Variants in ETAA1 observed in about 807,000 individuals in gnomAD.
ETAA1 encodes ETAA1 activator of ATR kinase.
In ETAA1, 49 loss-of-function variants were observed where a neutral mutation model predicts 76.8. That is an observed-to-expected ratio of 0.64 (90% CI 0.51 to 0.81). The LOEUF is 0.81. ETAA1 is among the 30% of genes least tolerant of loss of function. The pLI is 0.00. For synonymous variants in ETAA1, 373 were observed against 372.2 expected, an observed-to-expected ratio of 1.00 and a Z score of -0.03; for missense variants, 1,099 against 1,074.0, an observed-to-expected ratio of 1.02 and a Z score of -0.32.
chr2:67,410,231 T>C lies in ETAA1; in HGVS notation c.*193T>C. 1 of 556,360 alleles carries C rather than the reference T, an allele frequency of 1.8e-6. No individual in the cohort carries two copies. The highest frequency in any genetic ancestry group is 2.0e-5 in the African/African-American group (1 of 50,366). The allele number at this position is 556,360 out of a possible 1,614,324, so 34.5% of individuals were successfully genotyped here. On this transcript the variant is annotated 3_prime_UTR_variant, in exon 6 of 6. Transcript: ENST00000272342. ...CCTTGGACATGTATTTGAAAGTCAT[T>C]AAATACAAAAGTTTTGGAAATTCAG...
intron 5 of ETAA1, among the ~76,000 whole-genome samples, chr2:67,405,639 A>G (rs900135129): frequency 6.6e-6 from 1 of 152,034 alleles, no homozygotes; most frequent in Admixed American, 6.6e-5. Context: ...TTGGAAAATC[A>G]TACCTTTAGA....
intron 5 of ETAA1, among the ~76,000 whole-genome samples, chr2:67,406,022 A>G (rs1676208362): frequency 6.6e-6 from 1 of 152,012 alleles, no homozygotes; most frequent in Non-Finnish European, 1.5e-5. Context: ...TTCAATTCTT[A>G]TCTCCAAACA....
intron 3 of ETAA1, 114 bp downstream of exon 3, chr2:67,399,740 T>G: frequency 1.6e-6 from 1 of 640,594 alleles, no homozygotes; most frequent in Non-Finnish European, 2.5e-6. Flanking sequence ...TTTCCAAAAA[T>G]AAGGCAGCAA....
rs749109520 is a variant in ETAA1, at chr2:67,404,986, G to A, written c.2304G>A (p.Leu768=). The A allele has an allele frequency of 6.2e-7, 1 of 1,612,092 alleles. No individual in the cohort carries two copies. Among genetic ancestry groups the A allele is most frequent in the Non-Finnish European group, 8.5e-7 (1 of 1,178,826 alleles). ...CAATACAAGTGAATAGTTCCAAATTGGTTCTTCCAGGAAGTTCAAGTTTGA... is the reference window on the plus strand; with the variant it reads ...CAATACAAGTGAATAGTTCCAAATTAGTTCTTCCAGGAAGTTCAAGTTTGA... ...DVPIQVNSSK[L]VLPGSSSLNV... Residue 768 remains leucine, a synonymous_variant, in exon 5 of 6, where the codon TTG becomes TTA. Coordinates refer to ENST00000272342, the MANE Select transcript of ETAA1 (RefSeq NM_019002.4).
chr2:67,406,414 T>A (rs1170091462), intron 5 of ETAA1, among the ~76,000 whole-genome samples: 2 of 152,142 alleles, frequency 1.3e-5, no homozygotes, highest in Non-Finnish European at 2.9e-5. Context: ...TATAAATAGA[T>A]CTCCTTGTTT....
At chr2:67,401,484 C>T (rs947695979) in intron 3 of ETAA1, 1 of 151,800 alleles carries the variant, frequency 6.6e-6, no homozygotes, top group African/African-American at 2.4e-5. Context: ...TACAGCTTTG[C>T]ACAGTATACT....
Position 67,403,324 on chromosome 2 carries a change from G to A in ETAA1, c.642G>A (p.Arg214=), listed in dbSNP as rs1676107239. 1 of 1,606,550 alleles carries A rather than the reference G, an allele frequency of 6.2e-7. No individual in the cohort carries two copies. The highest frequency in any genetic ancestry group is 1.3e-5 in the African/African-American group (1 of 74,670). ...ATGTGATTCAAGAGCAAAACAAGAGGAATTATGATTTTACCCAGATGATTT... is the reference window on the plus strand; with the variant it reads ...ATGTGATTCAAGAGCAAAACAAGAGAAATTATGATTTTACCCAGATGATTT... ...ELDVIQEQNK[R]NYDFTQMISE... is the part of the protein sequence containing the mutation. Residue 214 remains arginine (R), a synonymous_variant, in exon 5 of 6, where the codon AGG becomes AGA. Coordinates refer to ENST00000272342, the MANE Select transcript of ETAA1 (RefSeq NM_019002.4).
At position 67,397,614 on chromosome 2, in the gene ETAA1, G is replaced by C. The variant is rs369830504; in HGVS notation, c.166G>C (p.Val56Leu). ...GGCTAGAGAGGGGCCTCCCGGGCCAGTGCGGCAGCGAGAGCAGCCTCCGAC... is the reference window on the plus strand; with the variant it reads ...GGCTAGAGAGGGGCCTCCCGGGCCACTGCGGCAGCGAGAGCAGCCTCCGAC... Reference protein sequence around the residue: ...CGAREGPPGPVRQREQPPTAA... With the variant: ...CGAREGPPGPLRQREQPPTAA... Residue 56 changes from valine to leucine, a missense_variant, in exon 1 of 6, where the codon GTG becomes CTG. By Grantham distance (32) the Val-to-Leu change is conservative (BLOSUM62 1). This residue lies in a region of ETAA1 where 761 missense variants were observed against 731.9 expected (regional missense o/e 1.04). Transcript: ENST00000272342. The C allele has an allele frequency of 5.2e-6, 8 of 1,549,144 alleles. No homozygotes were observed. The highest frequency in any genetic ancestry group is 3.9e-5 in the Admixed American group (2 of 51,090).
In ETAA1 at chr2:67,404,877, G is replaced by T; in HGVS notation, c.2195G>T (p.Gly732Val). The T allele has an allele frequency of 1.2e-6, 2 of 1,612,958 alleles. No individual in the cohort carries two copies. The highest frequency in any genetic ancestry group is 1.7e-6 in the Non-Finnish European group (2 of 1,179,354). The change falls in exon 5 of 6, where the codon GGT becomes GTT. Residue 732 changes from glycine (G) to valine (V), a missense_variant. Physicochemically the swap from Gly to Val is moderately radical, Grantham distance 109. Around this residue, in one of 3 missense-constraint regions of ETAA1, gnomAD observed 302 missense variants for 278.1 expected, o/e 1.09. Coordinates refer to ENST00000272342, the MANE Select transcript of ETAA1 (RefSeq NM_019002.4). ...TATGGAAATTCTCCAAGATTTTTAGGTGCCACAAATTTGACTATGTATTCT... is the reference window on the plus strand; with the variant it reads ...TATGGAAATTCTCCAAGATTTTTAGTTGCCACAAATTTGACTATGTATTCT... ...EMYGNSPRFLGATNLTMYSKI... is the reference protein window; with the variant it reads ...EMYGNSPRFLVATNLTMYSKI...
chr2:67,398,347 T>C (rs1224455818), intron 1 of ETAA1, among the ~76,000 whole-genome samples: 1 of 151,672 alleles, frequency 6.6e-6, no homozygotes, highest in East Asian at 1.9e-4. Flanking sequence ...CGTGTCTTTT[T>C]TCTTTTGGGA....
chr2:67,404,393 T>A lies in ETAA1; in HGVS notation c.1711T>A (p.Ser571Thr), dbSNP rs1227822079. 1.2e-6 allele frequency: 2 copies of A among 1,613,330 alleles called. No individual in the cohort carries two copies. The highest frequency in any genetic ancestry group is 3.3e-5 in the Admixed American group (2 of 59,940). ...SVSNPNQTSASKVGSFFDDWN... is the reference protein window; with the variant it reads ...SVSNPNQTSATKVGSFFDDWN... ...TAGTAACCCAAATCAGACTAGTGCATCAAAAGTAGGTTCTTTCTTTGATGA... is the reference window on the plus strand; with the variant it reads ...TAGTAACCCAAATCAGACTAGTGCAACAAAAGTAGGTTCTTTCTTTGATGA... The change falls in exon 5 of 6, where the codon TCA becomes ACA. Residue 571 changes from serine to threonine, a missense_variant. Physicochemically the swap from Ser to Thr is moderately conservative, Grantham distance 58. Transcript: ENST00000272342.
chr2:67,405,816 G>A (rs1364874865), intron 5 of ETAA1, among the ~76,000 whole-genome samples: 3 of 152,058 alleles, frequency 2.0e-5, no homozygotes, highest in Non-Finnish European at 4.4e-5. Flanking sequence ...CGTGCTAGCG[G>A]TGATGGTTAA....
At position 67,405,180 on chromosome 2, in the gene ETAA1, C is replaced by A; in HGVS notation, c.2498C>A (p.Ser833Tyr). The change falls in exon 5 of 6, where the codon TCT becomes TAT. Residue 833 changes from serine (S) to tyrosine (Y), a missense_variant. Around this residue, in one of 3 missense-constraint regions of ETAA1, gnomAD observed 302 missense variants for 278.1 expected, o/e 1.09. Transcript: ENST00000272342. ...AGGATGAAAAATTCTCAGATTCTTT[C>A]TCAGTTTAATCAAAATTGTATAACT... ...FTRMKNSQILSQFNQNCITGS... is the reference protein window; with the variant it reads ...FTRMKNSQILYQFNQNCITGS... 1 of 1,612,410 alleles carries A rather than the reference C, an allele frequency of 6.2e-7. No homozygotes were observed. The highest frequency in any genetic ancestry group is 8.5e-7 in the Non-Finnish European group (1 of 1,179,150).
In ETAA1 at chr2:67,404,541, T is replaced by A; in HGVS notation, c.1859T>A (p.Leu620Gln). 2.5e-6 allele frequency: 4 copies of A among 1,613,362 alleles called. No homozygotes were observed. In the South Asian group the frequency reaches 3.3e-5, roughly 13 times the overall value. ...CAAGCATGTGATGATATTGAAAGAC[T>A]AACTCAGCAACAAGACATTAGAAAG... ...LYQACDDIER[L>Q]TQQQDIRKDS... is the part of the protein sequence containing the mutation. The change falls in exon 5 of 6, where the codon CTA (leucine) becomes CAA (glutamine). Residue 620 changes from leucine to glutamine, a missense_variant. Transcript: ENST00000272342.
At position 67,403,042 on chromosome 2, in the gene ETAA1, T is replaced by C. The variant is rs547411974; in HGVS notation, c.542+68T>C. 51 of 1,384,228 alleles carry C rather than the reference T, an allele frequency of 3.7e-5. No homozygotes were observed. The African/African-American group carries it at 6.2e-4, about 17-fold the overall frequency. 85.7% of individuals were successfully genotyped at this position (1,384,228 alleles called of 1,614,324 possible). On this transcript the variant is annotated intron_variant, in intron 4 of 5. Coordinates refer to ENST00000272342, the MANE Select transcript of ETAA1 (RefSeq NM_019002.4). ...AATATTTTTTGATAATACTCCATTT[T>C]GGTTTTGTGAATATATCAAAATTTT...
At position 67,403,387 on chromosome 2, in the gene ETAA1, A is replaced by G. The variant is rs1225546515; in HGVS notation, c.705A>G (p.Ile235Met). 1.2e-6 allele frequency: 2 copies of G among 1,605,436 alleles called. No homozygotes were observed. Among genetic ancestry groups the G allele is most frequent in the Non-Finnish European group, 1.7e-6 (2 of 1,173,032 alleles). The change falls in exon 5 of 6, where the codon ATA becomes ATG. Residue 235 changes from isoleucine (I) to methionine (M), a missense_variant. This residue lies in a region of ETAA1 where 761 missense variants were observed against 731.9 expected (regional missense o/e 1.04). Transcript: ENST00000272342. ...TEILSNYKDN[I>M]QMWSLHNIVP... ...TTTTAAGTAATTATAAAGATAATAT[A>G]CAGATGTGGTCATTACATAATATAG...
intron 1 of ETAA1, 46 bp downstream of exon 1, chr2:67,397,717 C>T (rs764943266): frequency 1.1e-5 from 17 of 1,516,820 alleles, no homozygotes; most frequent in Non-Finnish European, 1.5e-5. Context: ...GCGCCGCATC[C>T]CCACATCCCA....
At chr2:67,398,263 T>C (rs1038933174) in intron 1 of ETAA1, among the ~76,000 whole-genome samples, 3 of 149,246 alleles carry the variant, frequency 2.0e-5, no homozygotes, top group Admixed American at 2.0e-4. Context: ...GAACTGAAAC[T>C]CATACAAAAG....
rs184752748 is a variant in ETAA1, at chr2:67,403,267, T to C, written c.585T>C (p.Ala195=). 2.5e-5 allele frequency: 39 copies of C among 1,589,714 alleles called. No individual in the cohort carries two copies. In the East Asian group the frequency reaches 6.3e-4, roughly 26 times the overall value. ...AAGAAGAAGAACTTATGAAACTGGC[T>C]AAACAATTTGATAAAAATATGGAAG... ...QSQEEELMKL[A]KQFDKNMEEL... is the part of the protein sequence containing the mutation. The change falls in exon 5 of 6, where the codon GCT becomes GCC. Residue 195 remains alanine (A), a synonymous_variant. Coordinates refer to ENST00000272342, the MANE Select transcript of ETAA1 (RefSeq NM_019002.4).
Sources: allele counts gnomAD v4.1 joint callset (sites outside exome capture counted in the v4.1 genomes callset), GRCh38; gene constraint gnomAD v4.1.1; regional missense constraint gnomAD v4.1.1; transcripts MANE v1.5; gene names NCBI Gene and HGNC (gene_info 2026-07-23, HGNC 2026-07-21).